Variants in MYO5A observed in about 807,000 individuals in gnomAD.
The protein encoded by MYO5A is unconventional myosin-Va.
In MYO5A, 98 loss-of-function variants were observed where a neutral mutation model predicts 249.7. The ratio of observed to expected loss-of-function variants is 0.39; its 90% confidence interval spans 0.33 to 0.46. The LOEUF (loss-of-function observed/expected upper bound fraction) is 0.46, where lower values mean the gene tolerates loss of function less well. MYO5A is among the 20% of genes least tolerant of loss of function. The probability of loss-of-function intolerance (pLI) is 0.98; values close to 1 mark genes in which losing one functional copy is unlikely to be tolerated. For missense variants in MYO5A, 1,696 were observed against 2,308.8 expected (o/e 0.73, Z 5.44); for synonymous variants, 778 against 810.6 (o/e 0.96, Z 0.68).
At chr15:52,373,402 G>C (rs1330210348) in intron 20 of MYO5A, among the ~76,000 whole-genome samples, 1 of 152,150 alleles carries the variant, frequency 6.6e-6, no homozygotes, top group Non-Finnish European at 1.5e-5. Context: ...CTTTGGACAT[G>C]GGTCCATTTT....
At chr15:52,448,463 G>T (rs978607540) in intron 1 of MYO5A, among the ~76,000 whole-genome samples, 5 of 152,180 alleles carry the variant, frequency 3.3e-5, no homozygotes, top group Non-Finnish European at 7.3e-5. Context: ...AAAGGGACTA[G>T]CCTTGTCTCA....
intron 1 of MYO5A, among the ~76,000 whole-genome samples, chr15:52,519,266 G>A (rs1475292612): frequency 2.0e-5 from 3 of 152,212 alleles, no homozygotes; most frequent in South Asian, 4.1e-4. Context: ...GAGGAAATAC[G>A]GTAGAAAGAA....
chr15:52,386,765 C>T (rs1235964976), intron 14 of MYO5A, among the ~76,000 whole-genome samples: 2 of 152,116 alleles, frequency 1.3e-5, no homozygotes, highest in East Asian at 3.8e-4. Context: ...TCAGGCTGAT[C>T]TTAAACTCCT....
chr15:52,333,062 G>A (rs976564540), intron 34 of MYO5A, among the ~76,000 whole-genome samples: 2 of 152,200 alleles, frequency 1.3e-5, no homozygotes, highest in Admixed American at 6.5e-5. Context: ...AGAGGATCCA[G>A]CAACAAGGCA....
At chr15:52,478,122 TC>T (rs2076636824) in intron 1 of MYO5A, among the ~76,000 whole-genome samples, 1 of 152,056 alleles carries the variant, frequency 6.6e-6, no homozygotes, top group South Asian at 2.1e-4. Flanking sequence ...CGGGCACCCC[TC>T]CCCCAGCCTC....
chr15:52,348,038 CTTGATCAAA>C (rs2039731722), intron 29 of MYO5A, among the ~76,000 whole-genome samples: 1 of 152,204 alleles, frequency 6.6e-6, no homozygotes, highest in Non-Finnish European at 1.5e-5. Flanking sequence ...AATGAGGTAA[CTTGATCAAA>C]TTAACTAATC....
intron 4 of MYO5A, among the ~76,000 whole-genome samples, chr15:52,417,781 T>A (rs527341608): frequency 1.5e-3 from 223 of 152,344 alleles, no homozygotes; most frequent in African/African-American, 5.2e-3. Flanking sequence ...TACTACTGAA[T>A]GACCTTTGCC....
chr15:52,435,893 A>C (rs552271167), intron 1 of MYO5A, among the ~76,000 whole-genome samples: 3 of 152,226 alleles, frequency 2.0e-5, no homozygotes. Flanking sequence ...AGAAAACAGT[A>C]GGACAAATAG....
At chr15:52,435,614 T>A (rs1280470056) in intron 1 of MYO5A, 1 of 453,804 alleles carries the variant, frequency 2.2e-6, no homozygotes, top group Admixed American at 2.4e-5. Flanking sequence ...TTTCAAGCCT[T>A]CCTATTGGGA....
At chr15:52,449,742 G>C (rs943274340) in intron 1 of MYO5A, among the ~76,000 whole-genome samples, 1 of 152,180 alleles carries the variant, frequency 6.6e-6, no homozygotes, top group Non-Finnish European at 1.5e-5. Context: ...GCTCATGCCT[G>C]TAATCCCAGC....
intron 33 of MYO5A, 139 bp downstream of exon 33, chr15:52,337,671 A>C: frequency 1.7e-6 from 1 of 580,424 alleles, no homozygotes; most frequent in Non-Finnish European, 3.0e-6. Context: ...TGGCTAAAAG[A>C]CAGCTGTGGG....
intron 29 of MYO5A, among the ~76,000 whole-genome samples, chr15:52,347,740 T>C (rs916280985): frequency 2.6e-5 from 4 of 152,240 alleles, no homozygotes; most frequent in Non-Finnish European, 5.9e-5. Flanking sequence ...TGAAATATAC[T>C]AATAAATAGT....
At chr15:52,495,449 C>G (rs1299176315) in intron 1 of MYO5A, among the ~76,000 whole-genome samples, 1 of 152,092 alleles carries the variant, frequency 6.6e-6, no homozygotes, top group Non-Finnish European at 1.5e-5. Flanking sequence ...TTCAGTTAGA[C>G]AGGAAGAGTA....
intron 1 of MYO5A, among the ~76,000 whole-genome samples, chr15:52,492,303 G>A (rs1297737694): frequency 6.6e-6 from 1 of 152,182 alleles, no homozygotes; most frequent in East Asian, 1.9e-4. Context: ...AAAGTAAAAG[G>A]TGCATGACAT....
rs201699108 is a variant in MYO5A at position 52,329,988 on chromosome 15, C to T, written c.4555+365G>A. On this transcript the variant is annotated intron_variant, in intron 35 of 41. Coordinates refer to ENST00000399233, the MANE Select transcript of MYO5A (RefSeq NM_001382347.1). ...CTGGCCTTGAGGGTTTTTTCTTTTT[C>T]TTTTTTTTTTTTTTAAAGTACTAGA... 5.5e-4 allele frequency among the ~76,000 whole-genome samples: 55 copies of T among 100,230 alleles called. No individual in the cohort carries two copies. The East Asian group carries it at 6.1e-3, about 11-fold the overall frequency. The allele number at this position is 100,230 out of a possible 152,430, so 65.8% of individuals were successfully genotyped here.
chr15:52,413,605 T>C (rs981322193), intron 5 of MYO5A, among the ~76,000 whole-genome samples: 3 of 152,162 alleles, frequency 2.0e-5, no homozygotes, highest in East Asian at 3.9e-4. Flanking sequence ...GGCTCTGATA[T>C]AGGGACATAG....
chr15:52,372,514 G>A, intron 20 of MYO5A, 151 bp from the exon 21 acceptor site: 4 of 1,078,628 alleles, frequency 3.7e-6, no homozygotes, highest in Non-Finnish European at 5.4e-6. Flanking sequence ...ACTTATCACA[G>A]ATATATGGAG....
At chr15:52,329,885 T>C (rs2038789806) in intron 35 of MYO5A, among the ~76,000 whole-genome samples, 1 of 146,932 alleles carries the variant, frequency 6.8e-6, no homozygotes, top group African/African-American at 2.5e-5. Context: ...ACTACAGGCA[T>C]GTACCACCTC....
chr15:52,374,797 C>T (rs2041316536), intron 20 of MYO5A, among the ~76,000 whole-genome samples: 1 of 152,152 alleles, frequency 6.6e-6, no homozygotes, highest in Non-Finnish European at 1.5e-5. Context: ...TTCTGGTCTC[C>T]AGAACTCTGA....
Sources: gnomAD v4.1 joint callset for allele counts (sites outside exome capture counted in the v4.1 genomes callset) on GRCh38, gnomAD v4.1.1 for gene constraint, MANE v1.5 for transcripts, NCBI Gene and HGNC (gene_info 2026-07-23, HGNC 2026-07-21) for gene names.